The following IGF2BP3 variants were observed in gnomAD, a reference collection of about 807,000 sequenced individuals.
The protein encoded by IGF2BP3 is insulin like growth factor 2 mRNA binding protein 3.
A neutral mutation model predicts 73.8 loss-of-function variants in IGF2BP3; 9 were observed. The ratio of observed to expected loss-of-function variants is 0.12; its 90% CI spans 0.07 to 0.21. The LOEUF is 0.21. IGF2BP3 is among the 10% of genes least tolerant of loss of function. The pLI is 1.00. For missense variants in IGF2BP3, 542 were observed against 714.0 expected (o/e 0.76, Z 2.75); for synonymous variants, 258 against 256.7 (o/e 1.01, Z -0.05).
At chr7:23,460,949 C>CAAAT (rs879708472) in intron 2 of IGF2BP3, among the ~76,000 whole-genome samples, 15 of 151,998 alleles carry the variant, frequency 9.9e-5, no homozygotes, top group African/African-American at 3.4e-4. Context: ...GATTCTATCT[C>CAAAT]AAATAAATAA....
Position 23,443,102 on chromosome 7 carries a change from A to ATT in IGF2BP3, c.237-24280_237-24279dup, listed in dbSNP as rs34674050. On this transcript the variant is annotated intron_variant, in intron 2 of 14. Transcript: ENST00000258729. ...ATCTACATATTTAAACATTACAGTG[A>ATT]TTTTTTTTTTTTTTTTTTTTTTTTT... Among the ~76,000 whole-genome samples, 432 of 85,848 alleles carry ATT rather than the reference A, an allele frequency of 5.0e-3. 64 individuals are homozygous for ATT. The highest frequency in any genetic ancestry group is 0.017 in the African/African-American group (324 of 18,770). 56.3% of individuals were successfully genotyped at this position (85,848 alleles called of 152,430 possible).
At chr7:23,427,677 G>T (rs950774814) in intron 2 of IGF2BP3, among the ~76,000 whole-genome samples, 1 of 151,936 alleles carries the variant, frequency 6.6e-6, no homozygotes, top group African/African-American at 2.4e-5. Context: ...TTCAAGAACA[G>T]CCTGGCCAAC....
At chr7:23,379,258 C>T (rs1332071574) in intron 3 of IGF2BP3, among the ~76,000 whole-genome samples, 1 of 152,192 alleles carries the variant, frequency 6.6e-6, no homozygotes, top group East Asian at 1.9e-4. Flanking sequence ...CCCACTGTTG[C>T]TCTGTCTCAG....
intron 3 of IGF2BP3, chr7:23,402,850 A>T (rs1329021030): frequency 6.6e-6 from 1 of 152,242 alleles, no homozygotes; most frequent in Non-Finnish European, 1.5e-5. Context: ...TAAGGAAGGA[A>T]TGATTTAGAA....
At chr7:23,426,017 C>T (rs1409954143) in intron 2 of IGF2BP3, among the ~76,000 whole-genome samples, 1 of 151,472 alleles carries the variant, frequency 6.6e-6, no homozygotes, top group African/African-American at 2.4e-5. Context: ...CAAAATGGTG[C>T]CAGCAGTCCT....
chr7:23,315,349 C>CT (rs1461422137), intron 12 of IGF2BP3, among the ~76,000 whole-genome samples: 1 of 152,150 alleles, frequency 6.6e-6, no homozygotes, highest in African/African-American at 2.4e-5. Flanking sequence ...CTCAAGTGAT[C>CT]TACCCACCTA....
At chr7:23,327,304 G>A (rs1315920918) in intron 10 of IGF2BP3, among the ~76,000 whole-genome samples, 251 of 145,720 alleles carry the variant, frequency 1.7e-3, no homozygotes, top group Middle Eastern at 3.4e-3. Context: ...TTTTTGAGAC[G>A]GAGTCTCGCT....
At chr7:23,328,813 C>G (rs1784369489) in intron 10 of IGF2BP3, among the ~76,000 whole-genome samples, 1 of 152,056 alleles carries the variant, frequency 6.6e-6, no homozygotes, top group African/African-American at 2.4e-5. Context: ...TTCTTTCAAG[C>G]CAAATGCTCA....
chr7:23,391,596 CATG>C (rs927570871), intron 3 of IGF2BP3, among the ~76,000 whole-genome samples: 16 of 152,260 alleles, frequency 1.1e-4, no homozygotes, highest in Admixed American at 2.0e-4. Context: ...CCAAACAAAA[CATG>C]AAACTGGGAC....
At chr7:23,355,226 T>A (rs564023267) in intron 5 of IGF2BP3, among the ~76,000 whole-genome samples, 1 of 115,410 alleles carries the variant, frequency 8.7e-6, no homozygotes, top group Non-Finnish European at 1.8e-5. Context: ...TTTATTTTTA[T>A]TTTTTTTTTT....
At chr7:23,459,129 T>C (rs1477012668) in intron 2 of IGF2BP3, among the ~76,000 whole-genome samples, 1 of 152,216 alleles carries the variant, frequency 6.6e-6, no homozygotes, top group Non-Finnish European at 1.5e-5. Flanking sequence ...AGTACTCTAT[T>C]GATCAAAGGA....
chr7:23,321,748 C>CA (rs1784159121), intron 10 of IGF2BP3, among the ~76,000 whole-genome samples: 1 of 152,234 alleles, frequency 6.6e-6, no homozygotes, highest in African/African-American at 2.4e-5. Context: ...ACTGCCTCCT[C>CA]AAGTGGGTCC....
rs1389666686 is a variant in IGF2BP3, at chr7:23,457,457, T to C, written c.236+11025A>G. ...TCCAGCCTGGGCGAGACCAAGACCC[T>C]GTTTCAAAAAAAAAAAAATTTTTTT... is the stretch of plus-strand genomic sequence containing the variant. On this transcript the variant is annotated intron_variant, in intron 2 of 14. Coordinates refer to ENST00000258729, the MANE Select transcript of IGF2BP3 (RefSeq NM_006547.3). Among the ~76,000 whole-genome samples, 3 of 152,010 alleles carry C rather than the reference T, an allele frequency of 2.0e-5. No homozygotes were observed. The East Asian group carries it at 5.8e-4, about 29-fold the overall frequency.
intron 3 of IGF2BP3, among the ~76,000 whole-genome samples, chr7:23,380,215 G>A (rs796783173): frequency 7.2e-6 from 1 of 138,362 alleles, no homozygotes; most frequent in African/African-American, 2.8e-5. Context: ...CCAGGCTGGA[G>A]AGCAGTGGCA....
chr7:23,385,333 G>C lies in IGF2BP3; in HGVS notation c.286-23592C>G, dbSNP rs562470259. On this transcript the variant is annotated intron_variant, in intron 3 of 14. Coordinates refer to ENST00000258729, the MANE Select transcript of IGF2BP3 (RefSeq NM_006547.3). ...GGAGAAAGAAAGTGAATCTGAATAT[G>C]CCCAGATCTACTGTGGTTCTCAATC... 4.6e-5 allele frequency among the ~76,000 whole-genome samples: 7 copies of C among 152,292 alleles called. No homozygotes were observed. In the South Asian group the frequency reaches 1.4e-3, roughly 32 times the overall value.
intron 2 of IGF2BP3, among the ~76,000 whole-genome samples, chr7:23,428,009 A>T (rs886343695): frequency 6.6e-6 from 1 of 151,810 alleles, no homozygotes; most frequent in Non-Finnish European, 1.5e-5. Flanking sequence ...CCATCTCAAA[A>T]AAAATAAAAT....
chr7:23,433,363 G>A (rs1785769632), intron 2 of IGF2BP3, among the ~76,000 whole-genome samples: 1 of 151,998 alleles, frequency 6.6e-6, no homozygotes, highest in Admixed American at 6.5e-5. Context: ...AGTCTGAATT[G>A]AATCGTTCTG....
chr7:23,442,200 C>A (rs1455957115), intron 2 of IGF2BP3, among the ~76,000 whole-genome samples: 1 of 152,140 alleles, frequency 6.6e-6, no homozygotes, highest in African/African-American at 2.4e-5. Flanking sequence ...CTCCCTAGCA[C>A]CTAGGCATAA....
intron 6 of IGF2BP3, among the ~76,000 whole-genome samples, chr7:23,348,651 A>G (rs536092676): frequency 1.3e-5 from 2 of 152,174 alleles, no homozygotes; most frequent in East Asian, 3.9e-4. Flanking sequence ...ATTGTAGGAA[A>G]TTTACTAACT....
Sources: gnomAD v4.1 joint callset for allele counts (sites outside exome capture counted in the v4.1 genomes callset) on GRCh38, gnomAD v4.1.1 for gene constraint, MANE v1.5 for transcripts, NCBI Gene and HGNC (gene_info 2026-07-23, HGNC 2026-07-21) for gene names.